SHC2: variants seen among roughly 807,000 people sequenced by gnomAD.
SHC2 encodes SHC adaptor protein 2, also known as SHC-transforming protein 2.
A neutral mutation model predicts 60.6 loss-of-function variants in SHC2; 62 were observed. That is an observed-to-expected ratio of 1.02 (90% confidence interval 0.83 to 1.26). The LOEUF (loss-of-function observed/expected upper bound fraction) is 1.26, where lower values mean the gene tolerates loss of function less well. SHC2 is among the 50% of genes most tolerant of loss of function. The probability of loss-of-function intolerance (pLI) is 0.00; values close to 1 mark genes in which losing one functional copy is unlikely to be tolerated. For synonymous variants in SHC2, 375 were observed against 372.4 expected (o/e 1.01, Z -0.08); for missense variants, 873 against 822.2 (o/e 1.06, Z -0.76).
rs989959679 is a variant in SHC2, at chr19:419,131, G to A, written c.1621-75C>T. On this transcript the variant is annotated intron_variant, in intron 11 of 12. Transcript: ENST00000264554. The stretch of plus-strand genomic sequence containing the variant: ...GTGGAGTAGGATATTGGCGTTCTGG[G>A]GTCCTGCCGGGGAGCCCCTAGGGTG... 16 of 1,471,216 alleles carry A rather than the reference G, an allele frequency of 1.1e-5. No homozygotes were observed. The African/African-American group carries it at 1.8e-4, about 17-fold the overall frequency. 91.1% of individuals were successfully genotyped at this position (1,471,216 alleles called of 1,614,324 possible).
At chr19:436,082 G>A in intron 7 of SHC2, 83 bp downstream of exon 7, 2 of 1,467,256 alleles carry the variant, frequency 1.4e-6, no homozygotes, top group Non-Finnish European at 1.9e-6. Flanking sequence ...GGAGGCTGAG[G>A]CCTGCAGGAG....
At chr19:421,948 C>T (rs1974280562) in intron 11 of SHC2, among the ~76,000 whole-genome samples, 198 bp downstream of exon 11, 1 of 152,194 alleles carries the variant, frequency 6.6e-6, no homozygotes, top group Non-Finnish European at 1.5e-5. Context: ...TCTACAGTAG[C>T]TGGTCAAAGG....
rs572809584 is a variant in SHC2, at chr19:446,094, G to C, written c.469-5162C>G. 6.6e-6 allele frequency among the ~76,000 whole-genome samples: 1 copy of C among 151,590 alleles called. No individual in the cohort carries two copies. Among genetic ancestry groups the C allele is most frequent in the Non-Finnish European group, 1.5e-5 (1 of 67,894 alleles). ...AAAAGACAAGCACAGAGGGAGATTT[G>C]AGAGACAGAGACACAGAAGGGAGGG... is the stretch of plus-strand genomic sequence containing the variant. On this transcript the variant is annotated intron_variant, in intron 1 of 12. Coordinates refer to ENST00000264554, the MANE Select transcript of SHC2 (RefSeq NM_012435.3). This position sits in a 1 kb window ranked among gnomAD's most constrained non-coding sequence, Gnocchi z 5.4.
chr19:417,842 C>T (rs1974187923), intron 12 of SHC2, among the ~76,000 whole-genome samples: 2 of 152,054 alleles, frequency 1.3e-5, no homozygotes, highest in Admixed American at 1.3e-4. Flanking sequence ...GAGGCCGCGG[C>T]CGCATAGGGG....
chr19:460,837 C>A lies in SHC2; in HGVS notation c.160G>T (p.Ala54Ser). The change falls in exon 1 of 13, where the codon GCT becomes TCT. Residue 54 changes from alanine to serine, a missense_variant. Ala to Ser is a moderately conservative substitution (Grantham distance 99). Transcript: ENST00000264554. ...LGRGPAAARA[A>S]GASGGADPQP... ...GGGTCCGCGCCCCCCGAGGCCCCAGCCGCCCGCGCCGCCGCCGGGCCGCGG... is the reference window on the plus strand; with the variant it reads ...GGGTCCGCGCCCCCCGAGGCCCCAGACGCCCGCGCCGCCGCCGGGCCGCGG... 1 of 983,816 alleles carries A rather than the reference C, an allele frequency of 1.0e-6. No individual in the cohort carries two copies. Among genetic ancestry groups the A allele is most frequent in the Non-Finnish European group, 1.2e-6 (1 of 830,688 alleles). The allele number at this position is 983,816 out of a possible 1,614,324, so 60.9% of individuals were successfully genotyped here.
Position 436,630 on chromosome 19 carries a change from C to G in SHC2, c.774G>C (p.Thr258=), listed in dbSNP as rs200474350. 1 of 1,605,102 alleles carries G rather than the reference C, an allele frequency of 6.2e-7. No homozygotes were observed. The highest frequency in any genetic ancestry group is 8.5e-7 in the Non-Finnish European group (1 of 1,178,124). ...PSISFASGGD[T]DMTDYVAYVA... Reference sequence around the variant, plus strand: ...GGTCCACCCCCATCCCTGGCCTCACCGTGTCTCCGCCTGACGCGAAGGAGA... The same window carrying G: ...GGTCCACCCCCATCCCTGGCCTCACGGTGTCTCCGCCTGACGCGAAGGAGA... The change falls in exon 5 of 13, where the codon ACG becomes ACC. Residue 258 remains threonine (T), a splice_region_variant and synonymous_variant. Coordinates refer to ENST00000264554, the MANE Select transcript of SHC2 (RefSeq NM_012435.3).
chr19:436,663 C>G lies in SHC2; in HGVS notation c.741G>C (p.Met247Ile). 1 of 1,607,244 alleles carries G rather than the reference C, an allele frequency of 6.2e-7. No individual in the cohort carries two copies. The highest frequency in any genetic ancestry group is 1.3e-5 in the African/African-American group (1 of 75,030). ...ATRQVIANHH[M>I]PSISFASGGD... ...CGCCTGACGCGAAGGAGATGGACGG[C>G]ATGTGGTGGTTGGCGATGACCTGTG... is the stretch of plus-strand genomic sequence containing the variant. Residue 247 changes from methionine (M) to isoleucine (I), a missense_variant, in exon 5 of 13, where the codon ATG (methionine) becomes ATC (isoleucine). Met to Ile is a conservative substitution (Grantham distance 10). Coordinates refer to ENST00000264554, the MANE Select transcript of SHC2 (RefSeq NM_012435.3).
At position 425,771 on chromosome 19, in the gene SHC2, G is replaced by A. The variant is rs1974401069; in HGVS notation, c.1175-540C>T. On this transcript the variant is annotated intron_variant, in intron 9 of 12. Coordinates refer to ENST00000264554, the MANE Select transcript of SHC2 (RefSeq NM_012435.3). This position sits in a 1 kb window ranked among gnomAD's most constrained non-coding sequence, Gnocchi z 4.1. ...GGGCCGGGCGTGGTGGCTCACGCCT[G>A]TAATCCCAGCACTTTGGGAGGCCGA... Among the ~76,000 whole-genome samples, 1 of 152,174 alleles carries A rather than the reference G, an allele frequency of 6.6e-6. No homozygotes were observed. Among genetic ancestry groups the A allele is most frequent in the Non-Finnish European group, 1.5e-5 (1 of 68,024 alleles).
In SHC2 at chr19:459,471, C is replaced by T. The variant is rs1975484926; in HGVS notation, c.468+1058G>A. On this transcript the variant is annotated intron_variant, in intron 1 of 12. Transcript: ENST00000264554. ...GTAGGGGGAAGGACCCCTCTCAACT[C>T]AGCGTAGGGGGAAGGACCCCACTGA... Among the ~76,000 whole-genome samples the T allele has an allele frequency of 4.0e-5, 6 of 148,582 alleles. No individual in the cohort carries two copies. The South Asian group carries it at 1.3e-3, about 32-fold the overall frequency.
chr19:448,969 A>G (rs576406113), intron 1 of SHC2, among the ~76,000 whole-genome samples: 10 of 151,786 alleles, frequency 6.6e-5, no homozygotes, highest in African/African-American at 1.9e-4. Context: ...CCTGGGCAAC[A>G]TGGTGAAACC....
intron 1 of SHC2, among the ~76,000 whole-genome samples, chr19:458,751 G>C (rs1159500160): frequency 8.3e-5 from 12 of 144,916 alleles, no homozygotes; most frequent in African/African-American, 3.0e-4. Context: ...AGGCGGAAGC[G>C]GGTCCCGGGG....
At position 422,980 on chromosome 19, in the gene SHC2, C is replaced by T. The variant is rs1382998143; in HGVS notation, c.1310-524G>A. On this transcript the variant is annotated intron_variant, in intron 10 of 12. Coordinates refer to ENST00000264554, the MANE Select transcript of SHC2 (RefSeq NM_012435.3). This position sits in a 1 kb window ranked among gnomAD's most constrained non-coding sequence, Gnocchi z 5.0. ...GCTCTCCTCTGAGTGTCAGTCCCCT[C>T]ATTGTCAAACAGGGGTGGGCGTGTC... is the stretch of plus-strand genomic sequence containing the variant. Among the ~76,000 whole-genome samples, 3 of 152,196 alleles carry T rather than the reference C, an allele frequency of 2.0e-5. No individual in the cohort carries two copies. Among genetic ancestry groups the T allele is most frequent in the Admixed American group, 2.0e-4 (3 of 15,288 alleles).
chr19:457,989 CCGGTCCCGGGGAGGCAGAAGA>C (rs1975398557), intron 1 of SHC2, among the ~76,000 whole-genome samples: 3 of 136,184 alleles, frequency 2.2e-5, no homozygotes, highest in African/African-American at 2.9e-5. Flanking sequence ...GAGGCGGAAG[CCGGTCCCGGGGAGGCAGAAGA>C]GGGTCTTGGG....
rs1434614607 is a variant in SHC2 at position 422,688 on chromosome 19, A to G, written c.1310-232T>C. 1.4e-5 allele frequency: 7 copies of G among 489,328 alleles called. No individual in the cohort carries two copies. The highest frequency in any genetic ancestry group is 2.5e-5 in the Non-Finnish European group (7 of 278,338). The allele number at this position is 489,328 out of a possible 1,614,324, so 30.3% of individuals were successfully genotyped here. On this transcript the variant is annotated intron_variant, in intron 10 of 12. Transcript: ENST00000264554. This position sits in a 1 kb window ranked among gnomAD's most constrained non-coding sequence, Gnocchi z 5.0. ...AGGTTGGGTTTTCTAGGCACGTACT[A>G]AGCATGTACAAAGGGTAACAGCAGC... is the stretch of plus-strand genomic sequence containing the variant.
intron 1 of SHC2, among the ~76,000 whole-genome samples, chr19:448,576 G>A (rs759919254): frequency 2.0e-5 from 3 of 152,136 alleles, no homozygotes; most frequent in African/African-American, 7.2e-5. Context: ...AAATAAGGAC[G>A]TGAGTTTTGG....
chr19:435,886 A>C, intron 7 of SHC2: 1 of 389,502 alleles, frequency 2.6e-6, no homozygotes, highest in Non-Finnish European at 4.8e-6. Context: ...CGTCTGGAGG[A>C]GGGATATTGG....
At position 440,673 on chromosome 19, in the gene SHC2, G is replaced by A. The variant is rs1240211085; in HGVS notation, c.539+189C>T. Reference sequence around the variant, plus strand: ...AGAGGATCGAGGTCTGCAGGGCACGGTGACCGACACCTGGCGTGGGGACAG... The same window carrying A: ...AGAGGATCGAGGTCTGCAGGGCACGATGACCGACACCTGGCGTGGGGACAG... On this transcript the variant is annotated intron_variant, in intron 2 of 12. Coordinates refer to ENST00000264554, the MANE Select transcript of SHC2 (RefSeq NM_012435.3). The surrounding 1 kb of genome is among the most constrained non-coding windows in gnomAD (Gnocchi z 7.0). Among the ~76,000 whole-genome samples, 7 of 152,226 alleles carry A rather than the reference G, an allele frequency of 4.6e-5. No individual in the cohort carries two copies.
At chr19:459,707 T>C (rs80020965) in intron 1 of SHC2, among the ~76,000 whole-genome samples, 7,196 of 152,154 alleles carry the variant, frequency 0.047, 440 homozygotes, top group African/African-American at 0.14. Flanking sequence ...CAACCCAATG[T>C]GAACACAGGC....
chr19:460,756 C>T lies in SHC2; in HGVS notation c.241G>A (p.Gly81Ser), dbSNP rs1975531046. 1.0e-6 allele frequency: 1 copy of T among 979,398 alleles called. No homozygotes were observed. Among genetic ancestry groups the T allele is most frequent in the Non-Finnish European group, 1.2e-6 (1 of 827,694 alleles). The allele number at this position is 979,398 out of a possible 1,614,324, so 60.7% of individuals were successfully genotyped here. The stretch of plus-strand genomic sequence containing the variant: ...GCGGCGCAGCGGGGCTCGCAGGCGC[C>T]CAGGACGGCGGCCGCCAGCGCCGGG... ...GVPALAAAVL[G>S]ACEPRCAAPC... Residue 81 changes from glycine (G) to serine (S), a missense_variant, in exon 1 of 13, where the codon GGC (glycine) becomes AGC (serine). Transcript: ENST00000264554.
Sources: allele counts gnomAD v4.1 joint callset (sites outside exome capture counted in the v4.1 genomes callset), GRCh38; gene constraint gnomAD v4.1.1; non-coding constraint Gnocchi (gnomAD v3.1); transcripts MANE v1.5; gene names NCBI Gene and HGNC (gene_info 2026-07-23, HGNC 2026-07-21).